Variants in UBA6 observed in about 807,000 individuals in gnomAD.
UBA6 encodes the protein ubiquitin like modifier activating enzyme 6.
A neutral mutation model predicts 148.3 loss-of-function variants in UBA6; 87 were observed. The ratio of observed to expected loss-of-function variants is 0.59; its 90% confidence interval spans 0.49 to 0.70. The LOEUF is 0.70. Ranked by LOEUF, UBA6 falls within the 30% of genes least tolerant of loss-of-function variation. The probability of loss-of-function intolerance (pLI) is 0.00; values close to 1 mark genes in which losing one functional copy is unlikely to be tolerated. For synonymous variants in UBA6, 376 were observed against 401.0 expected, an observed-to-expected ratio of 0.94 and a Z score of 0.75; for missense variants, 1,186 against 1,241.2, an observed-to-expected ratio of 0.96 and a Z score of 0.67.
At chr4:67,659,908 C>A (rs1729807679) in intron 13 of UBA6, among the ~76,000 whole-genome samples, 1 of 152,102 alleles carries the variant, frequency 6.6e-6, no homozygotes, top group Non-Finnish European at 1.5e-5. Context: ...CCTGTTGGGA[C>A]TAGAATAAAG....
chr4:67,663,982 A>T, intron 10 of UBA6, 35 bp from the exon 11 acceptor site: 3 of 1,541,650 alleles, frequency 1.9e-6, no homozygotes, highest in Non-Finnish European at 2.7e-6. Flanking sequence ...CTTCAGAGTG[A>T]GTGAGTGATT....
In UBA6 at chr4:67,617,917, C is replaced by A. The variant is rs1291200556; in HGVS notation, c.*1080G>T. On this transcript the variant is annotated 3_prime_UTR_variant, in exon 33 of 33. Transcript: ENST00000322244. ...TTAATGAAAGTATTTATAAAAACAT[C>A]TGCAATAGTTCATATCAGAAAACAA... 1 of 151,428 alleles carries A rather than the reference C, an allele frequency of 6.6e-6. No homozygotes were observed. Among genetic ancestry groups the A allele is most frequent in the Non-Finnish European group, 1.5e-5 (1 of 67,850 alleles). The allele number at this position is 151,428 out of a possible 1,614,324, so 9.4% of individuals were successfully genotyped here. A position where few individuals can be genotyped will look rare whatever the true frequency, so the allele number is the denominator to read the frequency against.
At position 67,696,720 on chromosome 4, in the gene UBA6, AC is replaced by A. The variant is rs938745514; in HGVS notation, c.72-14del. ...ATTTTTATTTGTGCTGGAAAAAAAA[AC>A]ATGGTTATTAAATATTCACATTTTA... On this transcript the variant is annotated splice_polypyrimidine_tract_variant and intron_variant, in intron 1 of 32. Transcript: ENST00000322244. The A allele has an allele frequency of 6.9e-6, 11 of 1,596,890 alleles. No homozygotes were observed. Among genetic ancestry groups the A allele is most frequent in the South Asian group, 2.3e-5 (2 of 88,226 alleles).
rs1728569191 is a variant in UBA6 at position 67,613,155 on chromosome 4, T to G, written c.*5842A>C. ...CAGTCACCTAGGTGACCTGGAAAAT[T>G]TCAGTATCTGAAACTGGATCAAAAT... is the stretch of plus-strand genomic sequence containing the variant. On this transcript the variant is annotated 3_prime_UTR_variant, in exon 33 of 33. Transcript: ENST00000322244. 1 of 152,208 alleles carries G rather than the reference T, an allele frequency of 6.6e-6. No individual in the cohort carries two copies. Among genetic ancestry groups the G allele is most frequent in the South Asian group, 2.1e-4 (1 of 4,832 alleles). The allele number at this position is 152,208 out of a possible 1,614,324, so 9.4% of individuals were successfully genotyped here. A position where few individuals can be genotyped will look rare whatever the true frequency, so the allele number is the denominator to read the frequency against.
chr4:67,693,645 T>C (rs1177521668), intron 2 of UBA6, among the ~76,000 whole-genome samples: 2 of 152,198 alleles, frequency 1.3e-5, no homozygotes, highest in African/African-American at 4.8e-5. Flanking sequence ...TGGAGTTATG[T>C]TCAAAATAAC....
chr4:67,658,022 G>A (rs1008678122), intron 13 of UBA6, among the ~76,000 whole-genome samples: 4 of 151,980 alleles, frequency 2.6e-5, no homozygotes, highest in African/African-American at 7.3e-5. Context: ...TTAGAATGGC[G>A]ATCATTAAAA....
rs922812871 is a variant in UBA6 at position 67,616,194 on chromosome 4, T to A, written c.*2803A>T. ...TTTCAGAGAAAGCATTCAGATTATA[T>A]GTTTTTGAATCTATGAAAAGTAAAA... On this transcript the variant is annotated 3_prime_UTR_variant, in exon 33 of 33. Coordinates refer to ENST00000322244, the MANE Select transcript of UBA6 (RefSeq NM_018227.6). 1 of 396,474 alleles carries A rather than the reference T, an allele frequency of 2.5e-6. No individual in the cohort carries two copies. Among genetic ancestry groups the A allele is most frequent in the South Asian group, 1.3e-4 (1 of 7,836 alleles). The allele number at this position is 396,474 out of a possible 1,614,324, so 24.6% of individuals were successfully genotyped here. A position where few individuals can be genotyped will look rare whatever the true frequency, so the allele number is the denominator to read the frequency against.
chr4:67,674,635 G>A (rs1730233406), intron 6 of UBA6, among the ~76,000 whole-genome samples: 1 of 152,090 alleles, frequency 6.6e-6, no homozygotes, highest in African/African-American at 2.4e-5. Flanking sequence ...TCCTGCATCT[G>A]TGAAACAGTA....
At chr4:67,685,163 A>C (rs533552594) in intron 2 of UBA6, among the ~76,000 whole-genome samples, 1 of 152,006 alleles carries the variant, frequency 6.6e-6, no homozygotes, top group African/African-American at 2.4e-5. Flanking sequence ...AACTAGTCTC[A>C]ATTTTTTAGT....
chr4:67,689,864 T>C (rs1005405001), intron 2 of UBA6, among the ~76,000 whole-genome samples: 3 of 152,236 alleles, frequency 2.0e-5, no homozygotes, highest in Admixed American at 2.0e-4. Context: ...ATTTAATGAG[T>C]ATCTTCTAAG....
At chr4:67,659,567 G>A (rs1189973576) in intron 13 of UBA6, among the ~76,000 whole-genome samples, 1 of 38,884 alleles carries the variant, frequency 2.6e-5, no homozygotes, top group Non-Finnish European at 5.9e-5. Flanking sequence ...GTGAAACTGT[G>A]AGTCAATTAC....
At chr4:67,687,420 T>C (rs1560501822) in intron 2 of UBA6, among the ~76,000 whole-genome samples, 1 of 152,180 alleles carries the variant, frequency 6.6e-6, no homozygotes, top group African/African-American at 2.4e-5. Flanking sequence ...CTAGCTCCAG[T>C]TCATATAAAA....
intron 29 of UBA6, 29 bp from the exon 30 acceptor site, chr4:67,624,282 TA>T: frequency 6.3e-7 from 1 of 1,578,922 alleles, no homozygotes; most frequent in Non-Finnish European, 8.6e-7. Context: ...TCTGATAATA[TA>T]AACAGCCTAA....
chr4:67,682,509 A>G (rs1015532822), intron 2 of UBA6, among the ~76,000 whole-genome samples: 3 of 152,160 alleles, frequency 2.0e-5, no homozygotes, highest in Non-Finnish European at 2.9e-5. Context: ...GCCACAATCA[A>G]TTCCTTCCTG....
At position 67,613,441 on chromosome 4, in the gene UBA6, TAAG is replaced by T. The variant is rs1728573671; in HGVS notation, c.*5553_*5555del. 1 of 152,130 alleles carries T rather than the reference TAAG, an allele frequency of 6.6e-6. No individual in the cohort carries two copies. Among genetic ancestry groups the T allele is most frequent in the East Asian group, 1.9e-4 (1 of 5,196 alleles). The allele number at this position is 152,130 out of a possible 1,614,324, so 9.4% of individuals were successfully genotyped here. A position where few individuals can be genotyped will look rare whatever the true frequency, so the allele number is the denominator to read the frequency against. On this transcript the variant is annotated 3_prime_UTR_variant, in exon 33 of 33. Transcript: ENST00000322244. Reference sequence around the variant, plus strand: ...ATTATGCTTTTCATTTTGAAGCAGATAAGAAATTGAAAATTTCAGCAAGACAAT... The same window carrying T: ...ATTATGCTTTTCATTTTGAAGCAGATAAATTGAAAATTTCAGCAAGACAAT...
intron 2 of UBA6, among the ~76,000 whole-genome samples, chr4:67,692,781 G>A (rs533940343): frequency 6.6e-6 from 1 of 152,132 alleles, no homozygotes; most frequent in East Asian, 1.9e-4. Context: ...CATTACACAA[G>A]GTACTCTATA....
intron 6 of UBA6, among the ~76,000 whole-genome samples, chr4:67,676,752 T>C (rs1483628658): frequency 6.6e-6 from 1 of 152,186 alleles, no homozygotes; most frequent in African/African-American, 2.4e-5. Context: ...GCATTTTCCT[T>C]ACATTATTTT....
At chr4:67,671,763 CT>C (rs900985700) in intron 7 of UBA6, among the ~76,000 whole-genome samples, 2 of 152,028 alleles carry the variant, frequency 1.3e-5, no homozygotes, top group South Asian at 2.1e-4. Flanking sequence ...TAGCTTTTTC[CT>C]TTTTCCAGTG....
chr4:67,631,939 A>C (rs756252328), intron 23 of UBA6, 31 bp from the exon 24 acceptor site: 2 of 1,589,928 alleles, frequency 1.3e-6, no homozygotes, highest in Non-Finnish European at 1.7e-6. Flanking sequence ...AAAGACACCC[A>C]CTACTTAATA....
Sources: allele counts gnomAD v4.1 joint callset (sites outside exome capture counted in the v4.1 genomes callset), GRCh38; gene constraint gnomAD v4.1.1; transcripts MANE v1.5; gene names NCBI Gene and HGNC (gene_info 2026-07-23, HGNC 2026-07-21).